MYO5A: variants seen among roughly 807,000 people sequenced by gnomAD.
The protein encoded by MYO5A is unconventional myosin-Va.
Under a neutral mutation model 249.7 loss-of-function variants are expected in MYO5A, and 98 were observed. That is an observed-to-expected ratio of 0.39 (90% CI 0.33 to 0.46). MYO5A has a LOEUF of 0.46. Among genes scored for constraint, MYO5A ranks in the 20% least tolerant of loss-of-function variants. The probability of loss-of-function intolerance (pLI) is 0.98; values close to 1 mark genes in which losing one functional copy is unlikely to be tolerated. For synonymous variants in MYO5A, 778 were observed against 810.6 expected (o/e 0.96, Z 0.68); for missense variants, 1,696 against 2,308.8 (o/e 0.73, Z 5.44).
chr15:52,353,317 T>C (rs1438427689), intron 27 of MYO5A, among the ~76,000 whole-genome samples: 2 of 152,218 alleles, frequency 1.3e-5, no homozygotes, highest in Non-Finnish European at 2.9e-5. Flanking sequence ...TGCCCCATCA[T>C]ACCCAATTGG....
In MYO5A at chr15:52,507,803, C is replaced by CAAAAAAAAAAAAAAAAAAAAA. The variant is rs146846192; in HGVS notation, c.27+20976_27+20977insTTTTTTTTTTTTTTTTTTTTT. Among the ~76,000 whole-genome samples, 16 of 127,210 alleles carry CAAAAAAAAAAAAAAAAAAAAA rather than the reference C, an allele frequency of 1.3e-4. 1 individual carries two copies. Among genetic ancestry groups the CAAAAAAAAAAAAAAAAAAAAA allele is most frequent in the Non-Finnish European group, 9.7e-5 (6 of 61,610 alleles). The allele number at this position is 127,210 out of a possible 152,430, so 83.5% of individuals were successfully genotyped here. A position where few individuals can be genotyped will look rare whatever the true frequency, so the allele number is the denominator to read the frequency against. ...TGAGCAACAGAATGAGACCCTGTCC[C>CAAAAAAAAAAAAAAAAAAAAA]CAAAAAAAAAAAAAAAAAGTGTAAT... On this transcript the variant is annotated intron_variant, in intron 1 of 41. Coordinates refer to ENST00000399233, the MANE Select transcript of MYO5A (RefSeq NM_001382347.1).
At chr15:52,519,661 T>C (rs1386521376) in intron 1 of MYO5A, among the ~76,000 whole-genome samples, 2 of 151,138 alleles carry the variant, frequency 1.3e-5, no homozygotes, top group Non-Finnish European at 2.9e-5. Context: ...AAATCAAAAT[T>C]GAAGACTGAA....
intron 1 of MYO5A, among the ~76,000 whole-genome samples, chr15:52,484,669 G>C (rs1445305338): frequency 6.6e-6 from 1 of 152,096 alleles, no homozygotes; most frequent in Admixed American, 6.5e-5. Flanking sequence ...TTTTGAGACA[G>C]AGTCTCGCTC....
chr15:52,319,182 G>A lies in MYO5A; in HGVS notation c.5112C>T (p.Gly1704=). The A allele has an allele frequency of 1.2e-6, 2 of 1,614,176 alleles. No individual in the cohort carries two copies. Among genetic ancestry groups the A allele is most frequent in the Non-Finnish European group, 8.5e-7 (1 of 1,180,026 alleles). Residue 1704 remains glycine, a synonymous_variant, in exon 39 of 42, where the codon GGC becomes GGT. Coordinates refer to ENST00000399233, the MANE Select transcript of MYO5A (RefSeq NM_001382347.1). ...NSFHSVMCQH[G]MDPELIKQVV... ...CCTGCTTGATCAGTTCAGGGTCCATGCCATGCTGACACATGACCGAGTGGA... is the reference window on the plus strand; with the variant it reads ...CCTGCTTGATCAGTTCAGGGTCCATACCATGCTGACACATGACCGAGTGGA...
At chr15:52,434,099 A>G (rs532246713) in intron 1 of MYO5A, among the ~76,000 whole-genome samples, 144 of 150,876 alleles carry the variant, frequency 9.5e-4, no homozygotes, top group African/African-American at 3.4e-3. Flanking sequence ...TCCCGGGTTC[A>G]AGTGATTCTC....
chr15:52,501,043 C>A (rs1000844353), intron 1 of MYO5A, among the ~76,000 whole-genome samples: 1 of 151,804 alleles, frequency 6.6e-6, no homozygotes, highest in Non-Finnish European at 1.5e-5. Context: ...GATCTTGGCT[C>A]GCTGCAAGCT....
At chr15:52,397,939 A>G (rs1189255105) in intron 9 of MYO5A, among the ~76,000 whole-genome samples, 1 of 152,224 alleles carries the variant, frequency 6.6e-6, no homozygotes, top group African/African-American at 2.4e-5. Flanking sequence ...AGTCCATGTG[A>G]GAGGAATATG....
At chr15:52,325,988 A>C (rs1311621923) in intron 36 of MYO5A, among the ~76,000 whole-genome samples, 2 of 152,180 alleles carry the variant, frequency 1.3e-5, no homozygotes, top group African/African-American at 4.8e-5. Context: ...ACTCAAAGCT[A>C]TTTGCAGTTT....
chr15:52,332,353 G>GT, intron 34 of MYO5A, among the ~76,000 whole-genome samples: 1 of 152,248 alleles, frequency 6.6e-6, no homozygotes, highest in East Asian at 1.9e-4. Flanking sequence ...ATCAACAATT[G>GT]TAAGATACAC....
In MYO5A at chr15:52,309,670, G is replaced by A. The variant is rs1292010811; in HGVS notation, c.*4026C>T. 1.3e-5 allele frequency: 2 copies of A among 152,222 alleles called. No individual in the cohort carries two copies. The highest frequency in any genetic ancestry group is 2.9e-5 in the Non-Finnish European group (2 of 68,066). 9.4% of individuals were successfully genotyped at this position (152,222 alleles called of 1,614,324 possible). ...CCATGCTGCTGTGAGGATGAAACGAGGTAACAGAGGAAAGCGCCGCAGGAA... is the reference window on the plus strand; with the variant it reads ...CCATGCTGCTGTGAGGATGAAACGAAGTAACAGAGGAAAGCGCCGCAGGAA... On this transcript the variant is annotated 3_prime_UTR_variant, in exon 42 of 42. Coordinates refer to ENST00000399233, the MANE Select transcript of MYO5A (RefSeq NM_001382347.1).
Position 52,368,658 on chromosome 15 carries a change from G to A in MYO5A, c.3066+1511C>T, listed in dbSNP as rs116603944. ...AGTGGCTCACACCTGTAAACCCAGCGCTTTGTGAGACCAATGTGGGAAAAC... is the reference window on the plus strand; with the variant it reads ...AGTGGCTCACACCTGTAAACCCAGCACTTTGTGAGACCAATGTGGGAAAAC... On this transcript the variant is annotated intron_variant, in intron 22 of 41. Transcript: ENST00000399233. 5.3e-3 allele frequency among the ~76,000 whole-genome samples: 801 copies of A among 152,222 alleles called. 6 individuals carry two copies. Among genetic ancestry groups the A allele is most frequent in the African/African-American group, 0.019 (775 of 41,536 alleles).
chr15:52,315,869 C>T (rs2140911279), intron 40 of MYO5A, among the ~76,000 whole-genome samples: 1 of 151,960 alleles, frequency 6.6e-6, no homozygotes, highest in South Asian at 2.1e-4. Flanking sequence ...TCAGGCTGGT[C>T]TCAAACTGAT....
At chr15:52,461,841 G>A (rs2076255698) in intron 1 of MYO5A, among the ~76,000 whole-genome samples, 1 of 151,788 alleles carries the variant, frequency 6.6e-6, no homozygotes, top group Non-Finnish European at 1.5e-5. Context: ...TGCGCCTGTA[G>A]TCCCAGCTAC....
intron 5 of MYO5A, among the ~76,000 whole-genome samples, chr15:52,414,921 T>C (rs1315212814): frequency 6.6e-6 from 1 of 152,214 alleles, no homozygotes; most frequent in Non-Finnish European, 1.5e-5. Flanking sequence ...GTTCATCCTA[T>C]TTCAGAAAGT....
chr15:52,516,689 C>T (rs983698695), intron 1 of MYO5A, among the ~76,000 whole-genome samples: 6 of 152,180 alleles, frequency 3.9e-5, no homozygotes, highest in African/African-American at 1.4e-4. Context: ...TATTTTGCTC[C>T]ATTCTAATTG....
chr15:52,408,655 T>C (rs1266011296), intron 6 of MYO5A, among the ~76,000 whole-genome samples: 1 of 152,212 alleles, frequency 6.6e-6, no homozygotes, highest in Non-Finnish European at 1.5e-5. Flanking sequence ...TTTTATAAAA[T>C]AGAAAATAAA....
intron 12 of MYO5A, 77 bp downstream of exon 12, chr15:52,391,853 T>C (rs2042252296): frequency 4.1e-6 from 6 of 1,456,700 alleles, no homozygotes; most frequent in Non-Finnish European, 5.7e-6. Context: ...CTAATGAATC[T>C]CTCCTTGAAC....
At chr15:52,378,515 C>CAAAAAAAAA (rs55803737) in intron 18 of MYO5A, among the ~76,000 whole-genome samples, 160 of 10,454 alleles carry the variant, frequency 0.015, 18 homozygotes, top group South Asian at 0.033. Context: ...AAGACTGTCT[C>CAAAAAAAAA]AAAAAAAAAA....
Position 52,395,393 on chromosome 15 carries a change from A to G in MYO5A, c.1401+923T>C, listed in dbSNP as rs541859916. ...TCTGGTTTGTGTGCATCAACTACAA[A>G]CCATACCACTTGACCTCTCTCTTTA... On this transcript the variant is annotated intron_variant, in intron 11 of 41. Coordinates refer to ENST00000399233, the MANE Select transcript of MYO5A (RefSeq NM_001382347.1). 3.9e-5 allele frequency among the ~76,000 whole-genome samples: 6 copies of G among 152,178 alleles called. No homozygotes were observed. The South Asian group carries it at 1.2e-3, about 32-fold the overall frequency.
Sources: allele counts gnomAD v4.1 joint callset (sites outside exome capture counted in the v4.1 genomes callset), GRCh38; gene constraint gnomAD v4.1.1; transcripts MANE v1.5; gene names NCBI Gene and HGNC (gene_info 2026-07-23, HGNC 2026-07-21).